Variants in TRIP4 observed in about 807,000 individuals in gnomAD.
TRIP4 encodes activating signal cointegrator 1.
A neutral mutation model predicts 81.8 loss-of-function variants in TRIP4; 54 were observed. That is an observed-to-expected ratio of 0.66 (90% confidence interval 0.53 to 0.83). The LOEUF (loss-of-function observed/expected upper bound fraction) is 0.83. Ranked by LOEUF, TRIP4 falls within the 40% of genes least tolerant of loss-of-function variation. The probability of loss-of-function intolerance (pLI) is 0.00; values close to 1 mark genes in which losing one functional copy is unlikely to be tolerated. For synonymous variants in TRIP4, 270 were observed against 242.8 expected (o/e 1.11, Z -1.04); for missense variants, 662 against 683.6 (o/e 0.97, Z 0.35).
intron 1 of TRIP4, chr15:64,393,416 C>T (rs1211657991): frequency 6.6e-6 from 1 of 151,768 alleles, no homozygotes; most frequent in Non-Finnish European, 1.5e-5. Flanking sequence ...CTCGGCCTCC[C>T]AAAGTGCTGG....
chr15:64,414,740 A>G (rs1347009322), intron 8 of TRIP4, among the ~76,000 whole-genome samples: 1 of 151,758 alleles, frequency 6.6e-6, no homozygotes, highest in Non-Finnish European at 1.5e-5. Context: ...GATGGTCTAG[A>G]TCTCCTGACC....
intron 12 of TRIP4, among the ~76,000 whole-genome samples, chr15:64,449,782 TAAAGG>T (rs1166402676): frequency 6.6e-6 from 1 of 152,144 alleles, no homozygotes; most frequent in Non-Finnish European, 1.5e-5. Flanking sequence ...AATACTCAGA[TAAAGG>T]AAATTTTTTA....
At chr15:64,421,319 C>T (rs1474300565) in intron 9 of TRIP4, among the ~76,000 whole-genome samples, 1 of 150,540 alleles carries the variant, frequency 6.6e-6, no homozygotes, top group Non-Finnish European at 1.5e-5. Context: ...TTTACGCTAC[C>T]TTTTATTTTC....
chr15:64,406,248 A>G, intron 5 of TRIP4, 82 bp from the exon 6 acceptor site: 1 of 1,540,234 alleles, frequency 6.5e-7, no homozygotes, highest in Non-Finnish European at 8.8e-7. Context: ...AGATCTTCTG[A>G]TGTTTTGTTC....
chr15:64,436,776 T>TTTA (rs1892411765), intron 11 of TRIP4, among the ~76,000 whole-genome samples: 1 of 117,090 alleles, frequency 8.5e-6, no homozygotes, highest in Non-Finnish European at 1.8e-5. Context: ...TTTTTTTTTT[T>TTTA]TTTTTTTTTT....
At chr15:64,419,654 G>A (rs1253670945) in intron 9 of TRIP4, among the ~76,000 whole-genome samples, 21 of 152,004 alleles carry the variant, frequency 1.4e-4, no homozygotes, top group Admixed American at 1.3e-3. Flanking sequence ...CACCGCGCCT[G>A]GTGTGTTTGT....
intron 12 of TRIP4, chr15:64,450,643 G>C (rs1486842816): frequency 2.2e-6 from 1 of 455,668 alleles, no homozygotes; most frequent in Admixed American, 2.4e-5. Flanking sequence ...CAGATTGTTG[G>C]CAAATGTCTG....
At chr15:64,433,711 A>G (rs1167227925) in intron 11 of TRIP4, among the ~76,000 whole-genome samples, 1 of 152,218 alleles carries the variant, frequency 6.6e-6, no homozygotes, top group African/African-American at 2.4e-5. Flanking sequence ...TACAAGGATG[A>G]GGAGTAATGG....
chr15:64,443,237 A>C (rs1406112888), intron 11 of TRIP4, among the ~76,000 whole-genome samples: 1 of 152,172 alleles, frequency 6.6e-6, no homozygotes, highest in African/African-American at 2.4e-5. Flanking sequence ...GATCTGGATA[A>C]GAGATTTTGT....
chr15:64,426,767 A>C (rs527525462), intron 11 of TRIP4, among the ~76,000 whole-genome samples: 1 of 151,670 alleles, frequency 6.6e-6, no homozygotes, highest in Non-Finnish European at 1.5e-5. Context: ...TTGGGAGGCC[A>C]AGGCGGGCAG....
chr15:64,454,930 G>A, intron 12 of TRIP4, 67 bp from the exon 13 acceptor site: 1 of 1,442,086 alleles, frequency 6.9e-7, no homozygotes, highest in Non-Finnish European at 9.8e-7. Flanking sequence ...GAAGACCTGG[G>A]AGGCTGCAAA....
At position 64,423,584 on chromosome 15, in the gene TRIP4, G is replaced by A. The variant is rs1240202656; in HGVS notation, c.1359-447G>A. On this transcript the variant is annotated intron_variant, in intron 9 of 12. Coordinates refer to ENST00000261884, the MANE Select transcript of TRIP4 (RefSeq NM_016213.5). The stretch of plus-strand genomic sequence containing the variant: ...AAAAAGTAACATTCTTGGGAGTTGT[G>A]TGTAGATGAGGATTTTTCTGTCAGG... Among the ~76,000 whole-genome samples, 6 of 151,898 alleles carry A rather than the reference G, an allele frequency of 4.0e-5. No homozygotes were observed. The East Asian group carries it at 9.6e-4, about 24-fold the overall frequency.
At chr15:64,426,999 CAAAAAAAAGAA>C (rs987410208) in intron 11 of TRIP4, among the ~76,000 whole-genome samples, 7 of 148,358 alleles carry the variant, frequency 4.7e-5, no homozygotes, top group Non-Finnish European at 7.4e-5. Context: ...GGCTCTGTCT[CAAAAAAAAGAA>C]AAAAAAAAGA....
intron 10 of TRIP4, chr15:64,424,472 A>C (rs75931332): frequency 3.2e-4 from 82 of 253,482 alleles, no homozygotes; most frequent in African/African-American, 1.7e-3. Context: ...TGGGAAGAAC[A>C]ACCACAAATA....
intron 12 of TRIP4, among the ~76,000 whole-genome samples, chr15:64,450,393 G>GAAAAA (rs1005400086): frequency 5.1e-3 from 236 of 46,548 alleles, no homozygotes; most frequent in African/African-American, 0.01. Context: ...CGTCTCAAAA[G>GAAAAA]AAAAAAAAAA....
intron 12 of TRIP4, among the ~76,000 whole-genome samples, chr15:64,445,654 C>T (rs1276222937): frequency 4.7e-5 from 5 of 106,720 alleles, no homozygotes; most frequent in African/African-American, 1.8e-4. Flanking sequence ...GGTAACAGAG[C>T]GACACTCAGT....
At chr15:64,389,708 C>CTTTTT (rs368526429) in intron 1 of TRIP4, among the ~76,000 whole-genome samples, 4 of 127,268 alleles carry the variant, frequency 3.1e-5, no homozygotes, top group Admixed American at 8.1e-5. Flanking sequence ...AAAATTTTCA[C>CTTTTT]TTTTTTTTTT....
intron 3 of TRIP4, among the ~76,000 whole-genome samples, chr15:64,396,970 C>T (rs1247285132): frequency 1.3e-5 from 2 of 152,084 alleles, no homozygotes; most frequent in African/African-American, 2.4e-5. Flanking sequence ...ATTTTGTTTT[C>T]GTTTTTGCAT....
intron 9 of TRIP4, among the ~76,000 whole-genome samples, chr15:64,422,702 G>A (rs570066146): frequency 6.6e-6 from 1 of 152,146 alleles, no homozygotes; most frequent in Non-Finnish European, 1.5e-5. Flanking sequence ...ATCCTATTTG[G>A]ATCTGTTATT....
Sources: gnomAD v4.1 joint callset for allele counts (sites outside exome capture counted in the v4.1 genomes callset) on GRCh38, gnomAD v4.1.1 for gene constraint, MANE v1.5 for transcripts, NCBI Gene and HGNC (gene_info 2026-07-23, HGNC 2026-07-21) for gene names.